TGFBR3: variants seen among roughly 807,000 people sequenced by gnomAD.
TGFBR3 encodes the protein transforming growth factor beta receptor type 3.
In TGFBR3, 46 loss-of-function variants were observed where a neutral mutation model predicts 87.9. The observed-to-expected ratio is 0.52, with a 90% CI of 0.41 to 0.67. The LOEUF (loss-of-function observed/expected upper bound fraction) is 0.67, where lower values mean the gene tolerates loss of function less well. Ranked by LOEUF, TGFBR3 falls within the 30% of genes least tolerant of loss-of-function variation. TGFBR3 has a pLI of 0.00. For synonymous variants in TGFBR3, 381 were observed against 391.6 expected, an observed-to-expected ratio of 0.97 and a Z score of 0.32; for missense variants, 866 against 1,041.9, an observed-to-expected ratio of 0.83 and a Z score of 2.32.
upstream of TGFBR3, among the ~76,000 whole-genome samples, chr1:91,890,903 C>CT (rs113072379): frequency 2.7e-3 from 396 of 147,034 alleles, no homozygotes; most frequent in East Asian, 0.015. Flanking sequence ...CTCATATTTC[C>CT]TTTTTTTTTT....
intron 2 of TGFBR3, among the ~76,000 whole-genome samples, chr1:91,833,333 C>T (rs1482615830): frequency 3.0e-5 from 4 of 135,380 alleles, no homozygotes; most frequent in Admixed American, 7.5e-5. Flanking sequence ...TGGTAACCCA[C>T]GCCTGTAATA....
chr1:91,729,719 G>T (rs954878993), intron 6 of TGFBR3, 86 bp downstream of exon 6: 29 of 1,511,430 alleles, frequency 1.9e-5, no homozygotes, highest in Non-Finnish European at 2.6e-5. Context: ...GGAGGGTGTA[G>T]GACGGGCTAC....
chr1:91,690,212 T>G (rs564340816), intron 16 of TGFBR3, among the ~76,000 whole-genome samples: 1 of 152,038 alleles, frequency 6.6e-6, no homozygotes, highest in Non-Finnish European at 1.5e-5. Flanking sequence ...GCAAGAGGGG[T>G]TGGCTGAACT....
intron 12 of TGFBR3, among the ~76,000 whole-genome samples, chr1:91,713,640 G>A (rs1210223761): frequency 1.3e-5 from 2 of 152,204 alleles, no homozygotes; most frequent in Non-Finnish European, 2.9e-5. Flanking sequence ...CTTTGAATCC[G>A]CAGCACTGTT....
At chr1:91,893,579 C>T (rs1679490546) in intron 2 of TGFBR3, among the ~76,000 whole-genome samples, 1 of 152,096 alleles carries the variant, frequency 6.6e-6, no homozygotes, top group South Asian at 2.1e-4. Context: ...CTGTGCCCAG[C>T]CCAACTTGTA....
intron 14 of TGFBR3, 56 bp downstream of exon 14, chr1:91,708,607 C>A: frequency 6.2e-7 from 1 of 1,612,566 alleles, no homozygotes; most frequent in South Asian, 1.1e-5. Flanking sequence ...ACTATTGGGT[C>A]TTCTTAACAA....
upstream of TGFBR3, among the ~76,000 whole-genome samples, chr1:91,888,048 T>C (rs1430824827): frequency 6.6e-6 from 1 of 151,688 alleles, no homozygotes; most frequent in African/African-American, 2.4e-5. Flanking sequence ...AGGAACCCAA[T>C]GGGAGGTAAT....
intron 4 of TGFBR3, among the ~76,000 whole-genome samples, chr1:91,740,168 T>C (rs1206857451): frequency 6.6e-6 from 1 of 152,166 alleles, no homozygotes; most frequent in Non-Finnish European, 1.5e-5. Flanking sequence ...CAAGAGATTA[T>C]TCTGCCTTAG....
At position 91,871,636 on chromosome 1, in the gene TGFBR3, C is replaced by G. The variant is rs1346243825; in HGVS notation, c.-113-9992G>C. ...CCTCCCAGACAAGGTAACATTTAAG[C>G]ACAGAGGTAAGAGATAAAGCTATGA... On this transcript the variant is annotated intron_variant, in intron 1 of 16. Coordinates refer to ENST00000212355, the MANE Select transcript of TGFBR3 (RefSeq NM_003243.5). Among the ~76,000 whole-genome samples the G allele has an allele frequency of 2.6e-5, 4 of 152,088 alleles. No homozygotes were observed. In the East Asian group the frequency reaches 7.7e-4, roughly 29 times the overall value.
At chr1:91,730,334 C>G (rs900408861) in intron 5 of TGFBR3, among the ~76,000 whole-genome samples, 1 of 152,154 alleles carries the variant, frequency 6.6e-6, no homozygotes, top group Non-Finnish European at 1.5e-5. Flanking sequence ...GAATCTGATT[C>G]AGAACACCCA....
intron 4 of TGFBR3, among the ~76,000 whole-genome samples, chr1:91,754,271 CT>C (rs541476682): frequency 2.6e-5 from 4 of 151,402 alleles, no homozygotes; most frequent in African/African-American, 7.3e-5. Flanking sequence ...AGTTATCTTA[CT>C]TTTTTTTTCA....
rs771942211 is a variant in TGFBR3 at position 91,797,356 on chromosome 1, C to T, written c.177G>A (p.Gly59=). ...TCAGGACATGCACCTCCTGTGGCAG[C>T]CCAGTTGTGCCTCTGCTGGCACAGC... ...LSGCASRGTT[G]LPQEVHVLNL... Residue 59 remains glycine, a synonymous_variant, in exon 3 of 17, where the codon GGG becomes GGA. Coordinates refer to ENST00000212355, the MANE Select transcript of TGFBR3 (RefSeq NM_003243.5). 5 of 1,614,090 alleles carry T rather than the reference C, an allele frequency of 3.1e-6. No homozygotes were observed. The African/African-American group carries it at 4.0e-5, about 13-fold the overall frequency.
intron 5 of TGFBR3, among the ~76,000 whole-genome samples, chr1:91,731,098 C>T (rs17886908): frequency 0.092 from 14,039 of 152,246 alleles, 873 homozygotes; most frequent in South Asian, 0.26. Flanking sequence ...GTGTAGCATG[C>T]TTTTTTCAGA....
At chr1:91,723,664 C>T (rs1400977809) in intron 7 of TGFBR3, among the ~76,000 whole-genome samples, 1 of 151,062 alleles carries the variant, frequency 6.6e-6, no homozygotes, top group Admixed American at 6.6e-5. Context: ...GTGCTCTTCT[C>T]AGAGGGTGAG....
At chr1:91,735,280 T>C (rs988033520) in intron 4 of TGFBR3, among the ~76,000 whole-genome samples, 5 of 152,198 alleles carry the variant, frequency 3.3e-5, no homozygotes, top group African/African-American at 9.6e-5. Context: ...AATCTTACAA[T>C]GAATGTATTT....
At chr1:91,899,429 C>A (rs191012759) in intron 2 of TGFBR3, among the ~76,000 whole-genome samples, 2 of 151,942 alleles carry the variant, frequency 1.3e-5, no homozygotes, top group Non-Finnish European at 2.9e-5. Flanking sequence ...TCACTTGAGC[C>A]GAGGAGGTTG....
intron 2 of TGFBR3, among the ~76,000 whole-genome samples, chr1:91,818,278 CTTTTTTTTTTTTTTTTTT>C (rs760050197): frequency 4.7e-3 from 151 of 32,430 alleles, no homozygotes; most frequent in African/African-American, 0.014. Context: ...TAGCCCCAGC[CTTTTTTTTTTTTTTTTTT>C]TTTTTTTTTT....
rs139163482 is a variant in TGFBR3, at chr1:91,874,009, T to C, written c.-114+11869A>G. ...TATTCATTTAATAATGTTTATCAAG[T>C]GCCTGCTTCATGCCAGGACTGTTCC... On this transcript the variant is annotated intron_variant, in intron 1 of 16. Coordinates refer to ENST00000212355, the MANE Select transcript of TGFBR3 (RefSeq NM_003243.5). Among the ~76,000 whole-genome samples the C allele has an allele frequency of 9.7e-3, 1,475 of 151,970 alleles. 25 individuals carry two copies. The highest frequency in any genetic ancestry group is 0.033 in the African/African-American group (1,372 of 41,454).
At chr1:91,804,677 G>A (rs17883307) in intron 2 of TGFBR3, among the ~76,000 whole-genome samples, 16,322 of 152,152 alleles carry the variant, frequency 0.11, 951 homozygotes, top group Non-Finnish European at 0.13. Flanking sequence ...TCCCAGCCAC[G>A]AAGGCTTGGA....
Sources: gnomAD v4.1 joint callset for allele counts (sites outside exome capture counted in the v4.1 genomes callset) on GRCh38, gnomAD v4.1.1 for gene constraint, MANE v1.5 for transcripts, NCBI Gene and HGNC (gene_info 2026-07-23, HGNC 2026-07-21) for gene names.